Variants in REXO5 observed in about 807,000 individuals in gnomAD.
REXO5 encodes RNA exonuclease 5.
Under a neutral mutation model 88.5 loss-of-function variants are expected in REXO5, and 48 were observed. That is an observed-to-expected ratio of 0.54 (90% confidence interval 0.43 to 0.69). The LOEUF (loss-of-function observed/expected upper bound fraction) is 0.69. Ranked by LOEUF, REXO5 falls within the 30% of genes least tolerant of loss-of-function variation. The pLI is 0.00. For missense variants in REXO5, 749 were observed against 912.2 expected, an observed-to-expected ratio of 0.82 and a Z score of 2.30; for synonymous variants, 311 against 336.5, an observed-to-expected ratio of 0.92 and a Z score of 0.83.
rs1567397347 is a variant in REXO5, at chr16:20,828,543, T to G, written c.1158+6T>G. On this transcript the variant is annotated splice_donor_region_variant and intron_variant, in intron 11 of 19. Transcript: ENST00000261377. ...TTAAGCATGGCCCAAAAAAGGTTAG[T>G]ATCTTTGCCCAGTGTGTTCACCTTT... The G allele has an allele frequency of 2.5e-6, 4 of 1,587,058 alleles. No homozygotes were observed. Among genetic ancestry groups the G allele is most frequent in the Non-Finnish European group, 2.6e-6 (3 of 1,155,446 alleles).
chr16:20,842,209 C>T (rs2081538197), intron 15 of REXO5, among the ~76,000 whole-genome samples: 1 of 152,054 alleles, frequency 6.6e-6, no homozygotes, highest in Non-Finnish European at 1.5e-5. Context: ...CCCCTCCCCC[C>T]AGCCCCTGGT....
chr16:20,825,688 C>T (rs2081249731), intron 7 of REXO5, 145 bp from the exon 8 acceptor site: 5 of 613,098 alleles, frequency 8.2e-6, no homozygotes, highest in Non-Finnish European at 1.5e-5. Flanking sequence ...ATTTCACTCA[C>T]ACTAGATCCT....
Position 20,821,942 on chromosome 16 carries a change from A to C in REXO5, c.616+40A>C, listed in dbSNP as rs774005656. ...ACTCTGATATTGCTAACAATGTAAG[A>C]ATATCTAACAGCTTATTTAAATACT... On this transcript the variant is annotated intron_variant, in intron 6 of 19. Transcript: ENST00000261377. 3.3e-6 allele frequency: 5 copies of C among 1,494,130 alleles called. No individual in the cohort carries two copies. The South Asian group carries it at 4.2e-5, about 13-fold the overall frequency. 92.6% of individuals were successfully genotyped at this position (1,494,130 alleles called of 1,614,324 possible).
Position 20,832,148 on chromosome 16 carries a change from T to C in REXO5, c.1159-8T>C. On this transcript the variant is annotated splice_region_variant and splice_polypyrimidine_tract_variant and intron_variant, in intron 11 of 19. Transcript: ENST00000261377. ...CAATTATATTTTTACCACTTTGTTTTCTTCAAGATTGCAGAACTAAATCTA... is the reference window on the plus strand; with the variant it reads ...CAATTATATTTTTACCACTTTGTTTCCTTCAAGATTGCAGAACTAAATCTA... The C allele has an allele frequency of 6.4e-7, 1 of 1,568,968 alleles. No individual in the cohort carries two copies. Among genetic ancestry groups the C allele is most frequent in the Admixed American group, 1.8e-5 (1 of 56,182 alleles).
chr16:20,834,956 C>G (rs1034721422), intron 13 of REXO5, among the ~76,000 whole-genome samples: 3 of 152,044 alleles, frequency 2.0e-5, no homozygotes, highest in African/African-American at 7.2e-5. Context: ...ATTGGTTTTT[C>G]TCCTTATTAT....
intron 7 of REXO5, among the ~76,000 whole-genome samples, chr16:20,824,822 A>G (rs1387686534): frequency 6.6e-6 from 1 of 152,126 alleles, no homozygotes; most frequent in Admixed American, 6.5e-5. Flanking sequence ...ATCCTGGCCA[A>G]CATGGTGAAA....
chr16:20,813,243 C>T lies in REXO5; in HGVS notation c.192C>T (p.Asp64=). ...CTGACAACTGTGAAGTAACCCATGA[C>T]CAGCTGTGTGAATTGCTGAAGTATG... ...LFTDNCEVTH[D]QLCELLKYAV... is the part of the protein sequence containing the mutation. The change falls in exon 3 of 20, where the codon GAC becomes GAT. Residue 64 remains aspartate, a synonymous_variant. Coordinates refer to ENST00000261377, the MANE Select transcript of REXO5 (RefSeq NM_030941.3). 1 of 1,613,890 alleles carries T rather than the reference C, an allele frequency of 6.2e-7. No individual in the cohort carries two copies. The highest frequency in any genetic ancestry group is 8.5e-7 in the Non-Finnish European group (1 of 1,179,988).
chr16:20,840,362 T>C lies in REXO5; in HGVS notation c.1520T>C (p.Val507Ala). Residue 507 changes from valine (V) to alanine (A), a missense_variant, in exon 15 of 20, where the codon GTC becomes GCC. Coordinates refer to ENST00000261377, the MANE Select transcript of REXO5 (RefSeq NM_030941.3). ...MRIKWTEIST[V>A]YAGPFSKNCN... Reference sequence around the variant, plus strand: ...ATCAAGTGGACAGAGATATCAACTGTCTATGCTGGGCCATTTAGCAAAAAT... The same window carrying C: ...ATCAAGTGGACAGAGATATCAACTGCCTATGCTGGGCCATTTAGCAAAAAT... The C allele has an allele frequency of 6.4e-7, 1 of 1,574,642 alleles. No homozygotes were observed. The highest frequency in any genetic ancestry group is 8.7e-7 in the Non-Finnish European group (1 of 1,152,034).
At chr16:20,813,344 C>CT (rs56875427) in intron 3 of REXO5, 42 bp downstream of exon 3, 52,140 of 637,450 alleles carry the variant, frequency 0.082, 2,293 homozygotes, top group African/African-American at 0.19. Context: ...CCAGCGGTTT[C>CT]TTTTTTTTTT....
intron 16 of REXO5, among the ~76,000 whole-genome samples, chr16:20,844,227 C>G (rs2081573514): frequency 6.6e-6 from 1 of 152,166 alleles, no homozygotes; most frequent in Non-Finnish European, 1.5e-5. Context: ...AGAAATCATC[C>G]TGGGCTAGAT....
intron 7 of REXO5, 128 bp from the exon 8 acceptor site, chr16:20,825,705 A>T: frequency 1.6e-6 from 1 of 641,624 alleles, no homozygotes; most frequent in Non-Finnish European, 2.7e-6. Flanking sequence ...TCCTCTAGAA[A>T]GCAAGTTTGT....
chr16:20,821,516 G>A (rs932545897), intron 5 of REXO5, among the ~76,000 whole-genome samples: 50 of 151,998 alleles, frequency 3.3e-4, no homozygotes, highest in African/African-American at 1.2e-3. Context: ...GGATGGTCTC[G>A]ATCTCCTGAC....
chr16:20,828,325 C>G, intron 10 of REXO5, 110 bp from the exon 11 acceptor site: 2 of 691,236 alleles, frequency 2.9e-6, no homozygotes, highest in Non-Finnish European at 4.9e-6. Context: ...TGATGCAAAT[C>G]TAATTATCAG....
At chr16:20,821,041 T>C (rs2081176673) in intron 5 of REXO5, 1 of 152,256 alleles carries the variant, frequency 6.6e-6, no homozygotes, top group African/African-American at 2.4e-5. Flanking sequence ...TGGTCCCTGG[T>C]TAAAGAACAA....
Position 20,844,828 on chromosome 16 carries a change from A to C in REXO5, c.1919A>C (p.Lys640Thr). 1 of 1,613,990 alleles carries C rather than the reference A, an allele frequency of 6.2e-7. No individual in the cohort carries two copies. ...LPKDLKSGKQ[K>T]KYCFLKFKSF... ...AAAGATCTTAAAAGTGGAAAGCAGA[A>C]AAAATACTGTTTCCTGAGTAAGTCT... The change falls in exon 17 of 20, where the codon AAA (lysine) becomes ACA (threonine). Residue 640 changes from lysine to threonine, a missense_variant. By Grantham distance (78) the Lys-to-Thr change is moderately conservative. Transcript: ENST00000261377.
At chr16:20,812,848 T>TTTG (rs1163933767) in intron 2 of REXO5, among the ~76,000 whole-genome samples, 1 of 152,220 alleles carries the variant, frequency 6.6e-6, no homozygotes, top group Non-Finnish European at 1.5e-5. Flanking sequence ...TTCTCATAGC[T>TTTG]TTGTAATAGC....
chr16:20,846,489 G>T (rs966275629), intron 19 of REXO5, 150 bp downstream of exon 19: 1 of 591,882 alleles, frequency 1.7e-6, no homozygotes, highest in African/African-American at 1.9e-5. Context: ...GATAGGCATT[G>T]TATTCCCATT....
intron 11 of REXO5, among the ~76,000 whole-genome samples, chr16:20,828,874 G>A (rs144873337): frequency 1.3e-5 from 2 of 151,716 alleles, no homozygotes; most frequent in African/African-American, 4.8e-5. Flanking sequence ...TTGCGGGGAG[G>A]CAGAGGTTGC....
chr16:20,822,517 TCAC>T (rs765217062), intron 6 of REXO5, among the ~76,000 whole-genome samples: 1 of 152,228 alleles, frequency 6.6e-6, no homozygotes, highest in Non-Finnish European at 1.5e-5. Flanking sequence ...TGTACAGCCA[TCAC>T]CACAATTTTA....
Sources: gnomAD v4.1 joint callset for allele counts (sites outside exome capture counted in the v4.1 genomes callset) on GRCh38, gnomAD v4.1.1 for gene constraint, MANE v1.5 for transcripts, NCBI Gene and HGNC (gene_info 2026-07-23, HGNC 2026-07-21) for gene names.